RASGEF1A: variants seen among roughly 807,000 people sequenced by gnomAD.
RASGEF1A encodes the protein RasGEF domain family member 1A, also known as ras-GEF domain-containing family member 1A.
Under a neutral mutation model 56.4 loss-of-function variants are expected in RASGEF1A, and 18 were observed. That is an observed-to-expected ratio of 0.32 (90% CI 0.22 to 0.47). The LOEUF is 0.47. Ranked by LOEUF, RASGEF1A falls within the 20% of genes least tolerant of loss-of-function variation. The pLI is 1.00. For missense variants in RASGEF1A, 422 were observed against 627.1 expected, an observed-to-expected ratio of 0.67 and a Z score of 3.49; for synonymous variants, 245 against 242.6, an observed-to-expected ratio of 1.01 and a Z score of -0.09.
At chr10:43,209,139 T>C (rs1298800357) in intron 1 of RASGEF1A, 4 of 985,430 alleles carry the variant, frequency 4.1e-6, no homozygotes, top group Non-Finnish European at 4.8e-6. Context: ...CAAGGAAGAA[T>C]TGCACACTGG....
At chr10:43,237,245 G>A (rs2133215030) in intron 1 of RASGEF1A, among the ~76,000 whole-genome samples, 1 of 152,212 alleles carries the variant, frequency 6.6e-6, no homozygotes, top group East Asian at 1.9e-4. Context: ...CAGTCAAGGA[G>A]AGAGGCTTCT....
intron 1 of RASGEF1A, chr10:43,209,193 T>A: frequency 1.0e-6 from 1 of 985,448 alleles, no homozygotes. Flanking sequence ...GATACACCGA[T>A]GGCCAGGGTG....
chr10:43,229,440 G>A (rs1021811446), intron 1 of RASGEF1A, among the ~76,000 whole-genome samples: 7 of 152,226 alleles, frequency 4.6e-5, no homozygotes, highest in Non-Finnish European at 1.0e-4. Flanking sequence ...GGGCAGGGCA[G>A]GAGCAGAGGC....
intron 1 of RASGEF1A, chr10:43,229,529 C>A: frequency 1.1e-6 from 1 of 927,936 alleles, no homozygotes; most frequent in Non-Finnish European, 1.5e-6. Context: ...TCAGGGCGGG[C>A]ACCCTCCCGC....
chr10:43,242,552 T>C (rs1216262831), intron 1 of RASGEF1A, among the ~76,000 whole-genome samples: 1 of 151,984 alleles, frequency 6.6e-6, no homozygotes, highest in African/African-American at 2.4e-5. Context: ...GTCTCCCTCT[T>C]TCTACCGTCT....
Position 43,204,979 on chromosome 10 carries a change from CAGA to C in RASGEF1A, c.198+937_198+939del, listed in dbSNP as rs1383694386. On this transcript the variant is annotated intron_variant, in intron 2 of 12. Transcript: ENST00000395810. ...ACCCTGACAGGGCTTACGGGACAGA[CAGA>C]AGGACAGATGGAGGAGGAGGAGGAG... 4.6e-5 allele frequency among the ~76,000 whole-genome samples: 7 copies of C among 152,328 alleles called. No individual in the cohort carries two copies. The South Asian group carries it at 1.0e-3, about 23-fold the overall frequency.
intron 10 of RASGEF1A, 42 bp downstream of exon 10, chr10:43,197,962 G>A (rs754282149): frequency 3.9e-6 from 6 of 1,533,468 alleles, no homozygotes; most frequent in South Asian, 1.2e-5. Flanking sequence ...CAGTAGCTCA[G>A]ACAGTTTCCG....
chr10:43,225,910 C>T (rs966539953), intron 1 of RASGEF1A, among the ~76,000 whole-genome samples: 1 of 152,170 alleles, frequency 6.6e-6, no homozygotes, highest in Non-Finnish European at 1.5e-5. Flanking sequence ...GGCGCTCTGA[C>T]GCATACTTAC....
intron 1 of RASGEF1A, among the ~76,000 whole-genome samples, chr10:43,258,906 A>G (rs1836476817): frequency 6.6e-6 from 1 of 152,330 alleles, no homozygotes; most frequent in Admixed American, 6.5e-5. Context: ...AGTGGAGAGA[A>G]GGCTGCAGCA....
chr10:43,227,876 C>T (rs775370190), intron 1 of RASGEF1A, among the ~76,000 whole-genome samples: 2 of 152,146 alleles, frequency 1.3e-5, no homozygotes, highest in Admixed American at 1.3e-4. Flanking sequence ...CCCACCAGCA[C>T]GGCCTCCAGG....
intron 1 of RASGEF1A, among the ~76,000 whole-genome samples, chr10:43,232,995 C>T (rs1263609496): frequency 1.3e-5 from 2 of 152,164 alleles, no homozygotes; most frequent in African/African-American, 4.8e-5. Context: ...TGCTCAGCCT[C>T]GACAGGCCCT....
At chr10:43,247,439 C>T (rs1441662209) in intron 1 of RASGEF1A, among the ~76,000 whole-genome samples, 1 of 152,198 alleles carries the variant, frequency 6.6e-6, no homozygotes, top group Non-Finnish European at 1.5e-5. Flanking sequence ...AACCTCTGTC[C>T]ACACAAAAAC....
intron 1 of RASGEF1A, among the ~76,000 whole-genome samples, chr10:43,239,223 TC>T (rs1840474037): frequency 6.6e-6 from 1 of 152,324 alleles, no homozygotes; most frequent in South Asian, 2.1e-4. Flanking sequence ...CGAAAAACAC[TC>T]CTGCAATGGG....
In RASGEF1A at chr10:43,196,296, C is replaced by A; in HGVS notation, c.1422-28G>T. 1 of 1,612,252 alleles carries A rather than the reference C, an allele frequency of 6.2e-7. No individual in the cohort carries two copies. The highest frequency in any genetic ancestry group is 1.1e-5 in the South Asian group (1 of 90,964). On this transcript the variant is annotated intron_variant, in intron 12 of 12. Coordinates refer to ENST00000395810, the MANE Select transcript of RASGEF1A (RefSeq NM_145313.4). The surrounding 1 kb of genome is among the most constrained non-coding windows in gnomAD (Gnocchi z 4.6). ...AGAGGGGGACAGGACAAGCAGTGCT[C>A]AGGCCCGAGCAGGGCGGCTTGGGTC...
At chr10:43,264,898 T>C (rs941445298) in intron 1 of RASGEF1A, among the ~76,000 whole-genome samples, 7 of 152,072 alleles carry the variant, frequency 4.6e-5, no homozygotes, top group Non-Finnish European at 1.0e-4. Flanking sequence ...ATTTGACAAA[T>C]AGGGCTTCTG....
intron 1 of RASGEF1A, among the ~76,000 whole-genome samples, chr10:43,244,738 C>G (rs1840551049): frequency 6.6e-6 from 1 of 152,084 alleles, no homozygotes. Context: ...CTCAAATTTA[C>G]TTAAGTAAAA....
intron 1 of RASGEF1A, chr10:43,208,650 G>A: frequency 1.0e-6 from 1 of 985,616 alleles, no homozygotes; most frequent in South Asian, 4.7e-5. Context: ...CTTCTGTCCT[G>A]CCTACCTGGA....
intron 1 of RASGEF1A, among the ~76,000 whole-genome samples, chr10:43,231,385 G>A (rs1307777526): frequency 6.6e-6 from 1 of 152,232 alleles, no homozygotes; most frequent in African/African-American, 2.4e-5. Context: ...GAACATCTGG[G>A]CCCTGGGGTG....
Position 43,200,846 on chromosome 10 carries a change from T to C in RASGEF1A, c.502A>G (p.Ser168Gly). ...VKKAIAQMTQ[S>G]LLLSLAARSQ... ...CGGGCAGCCAAGGACAGCAACAGGC[T>C]CTGTGTCATCTGGGCAATGGCCTTC... The change falls in exon 5 of 13, where the codon AGC becomes GGC. Residue 168 changes from serine to glycine, a missense_variant. By Grantham distance (56) the Ser-to-Gly change is moderately conservative (BLOSUM62 0). Coordinates refer to ENST00000395810, the MANE Select transcript of RASGEF1A (RefSeq NM_145313.4). The C allele has an allele frequency of 6.2e-7, 1 of 1,614,024 alleles. No homozygotes were observed. Among genetic ancestry groups the C allele is most frequent in the Non-Finnish European group, 8.5e-7 (1 of 1,180,012 alleles).
Sources: gnomAD v4.1 joint callset for allele counts (sites outside exome capture counted in the v4.1 genomes callset) on GRCh38, gnomAD v4.1.1 for gene constraint, Gnocchi (gnomAD v3.1) non-coding constraint, MANE v1.5 for transcripts, NCBI Gene and HGNC (gene_info 2026-07-23, HGNC 2026-07-21) for gene names.